Variants in SCHIP1 observed in about 807,000 individuals in gnomAD.
The protein encoded by SCHIP1 is schwannomin interacting protein 1, also known as schwannomin-interacting protein 1.
A neutral mutation model predicts 29.7 loss-of-function variants in SCHIP1; 8 were observed. The observed-to-expected ratio is 0.27, with a 90% confidence interval of 0.16 to 0.49. The LOEUF (loss-of-function observed/expected upper bound fraction) is 0.49. Ranked by LOEUF, SCHIP1 falls within the 20% of genes least tolerant of loss-of-function variation. The pLI is 0.99. For missense variants in SCHIP1, 193 were observed against 294.6 expected, an observed-to-expected ratio of 0.66 and a Z score of 2.52; for synonymous variants, 76 against 94.9, an observed-to-expected ratio of 0.80 and a Z score of 1.16.
the SCHIP1 span, among the ~76,000 whole-genome samples, chr3:159,816,644 A>G: frequency 6.6e-5 from 10 of 152,170 alleles, no homozygotes; most frequent in Non-Finnish European, 1.3e-4. Context: ...AGTGTGTCTC[A>G]TTCTCAAACA....
the SCHIP1 span, among the ~76,000 whole-genome samples, chr3:159,470,315 GAGA>G: frequency 6.6e-6 from 1 of 151,984 alleles, no homozygotes; most frequent in Non-Finnish European, 1.5e-5. Flanking sequence ...TTTATACATG[GAGA>G]AGAAGAGAGA....
the SCHIP1 span, among the ~76,000 whole-genome samples, chr3:159,411,968 C>A: frequency 6.6e-6 from 1 of 152,294 alleles, no homozygotes; most frequent in Non-Finnish European, 1.5e-5. Context: ...AGGCACTTAT[C>A]TCTTAATGCA....
At chr3:159,717,057 C>G in the SCHIP1 span, among the ~76,000 whole-genome samples, 5 of 152,196 alleles carry the variant, frequency 3.3e-5, no homozygotes, top group African/African-American at 1.2e-4. Context: ...ACAGTGCAAT[C>G]AAACTAGAAC....
At chr3:159,487,662 C>T in the SCHIP1 span, among the ~76,000 whole-genome samples, 15 of 152,096 alleles carry the variant, frequency 9.9e-5, no homozygotes, top group Admixed American at 6.5e-4. Context: ...GCCATAAATA[C>T]GAAAAATAAA....
the SCHIP1 span, among the ~76,000 whole-genome samples, chr3:159,810,207 A>G: frequency 2.0e-5 from 3 of 151,822 alleles, no homozygotes; most frequent in South Asian, 6.2e-4. Flanking sequence ...CACCACGCCC[A>G]GCTAATTTTT....
chr3:159,784,026 T>C, the SCHIP1 span, among the ~76,000 whole-genome samples: 1 of 152,030 alleles, frequency 6.6e-6, no homozygotes, highest in South Asian at 2.1e-4. Flanking sequence ...TCCAAGGAGG[T>C]TAGAGAAACC....
chr3:159,524,862 A>G, the SCHIP1 span, among the ~76,000 whole-genome samples: 1 of 152,168 alleles, frequency 6.6e-6, no homozygotes, highest in Non-Finnish European at 1.5e-5. Context: ...CAACTCCTGC[A>G]TGCCCCTCCT....
At chr3:159,879,010 G>A (rs1320056109) in intron 2 of SCHIP1, among the ~76,000 whole-genome samples, 2 of 150,546 alleles carry the variant, frequency 1.3e-5, no homozygotes, top group Admixed American at 6.6e-5. Context: ...TATAGCATAG[G>A]TACTGTTTTT....
the SCHIP1 span, among the ~76,000 whole-genome samples, chr3:159,299,165 T>G: frequency 3.9e-4 from 60 of 152,360 alleles, no homozygotes; most frequent in African/African-American, 1.2e-3. Flanking sequence ...AATTCTTTAT[T>G]GATTTTACAA....
chr3:159,387,195 T>G, the SCHIP1 span: 2 of 187,774 alleles, frequency 1.1e-5, no homozygotes, highest in African/African-American at 4.8e-5. Flanking sequence ...GCTACCTCCC[T>G]GAAACATTTA....
the SCHIP1 span, among the ~76,000 whole-genome samples, chr3:159,525,519 TA>T: frequency 6.6e-6 from 1 of 152,242 alleles, no homozygotes; most frequent in East Asian, 1.9e-4. Flanking sequence ...AACACATATC[TA>T]ATATAGTTAT....
At chr3:159,697,832 A>G in the SCHIP1 span, among the ~76,000 whole-genome samples, 1 of 152,254 alleles carries the variant, frequency 6.6e-6, no homozygotes, top group Non-Finnish European at 1.5e-5. Flanking sequence ...ATTAAAGCAT[A>G]GTTACAGTCC....
At chr3:159,700,491 G>A in the SCHIP1 span, among the ~76,000 whole-genome samples, 1 of 152,166 alleles carries the variant, frequency 6.6e-6, no homozygotes, top group Non-Finnish European at 1.5e-5. Context: ...ATGTAGGTAA[G>A]TGTTCACTGC....
intron 2 of SCHIP1, among the ~76,000 whole-genome samples, chr3:159,866,561 A>C (rs1221443582): frequency 2.6e-5 from 4 of 152,092 alleles, no homozygotes; most frequent in Admixed American, 2.0e-4. Flanking sequence ...ACACTGATAG[A>C]GGAATCAAGC....
At chr3:159,891,235 G>T (rs993632180) in intron 5 of SCHIP1, among the ~76,000 whole-genome samples, 1 of 152,168 alleles carries the variant, frequency 6.6e-6, no homozygotes, top group Non-Finnish European at 1.5e-5. Context: ...GCCAGGCTTG[G>T]TGGCACATGC....
chr3:159,593,451 G>A, the SCHIP1 span, among the ~76,000 whole-genome samples: 1 of 152,142 alleles, frequency 6.6e-6, no homozygotes, highest in African/African-American at 2.4e-5. Flanking sequence ...GAGAGCAAGA[G>A]TGGGGATTCT....
At chr3:159,433,584 G>A in the SCHIP1 span, among the ~76,000 whole-genome samples, 1 of 152,142 alleles carries the variant, frequency 6.6e-6, no homozygotes, top group East Asian at 1.9e-4. Context: ...GGTCTTTGGA[G>A]CCAGATTTCC....
chr3:159,283,744 G>A, the SCHIP1 span, among the ~76,000 whole-genome samples: 1 of 152,018 alleles, frequency 6.6e-6, no homozygotes, highest in African/African-American at 2.4e-5. Context: ...GGATTCTTTC[G>A]AGGTTGTTAA....
the SCHIP1 span, among the ~76,000 whole-genome samples, chr3:159,409,085 C>T: frequency 6.6e-6 from 1 of 152,132 alleles, no homozygotes; most frequent in African/African-American, 2.4e-5. Flanking sequence ...TAAAATTCAA[C>T]ATCCCTTCAT....
Sources: allele counts gnomAD v4.1 joint callset (sites outside exome capture counted in the v4.1 genomes callset), GRCh38; gene constraint gnomAD v4.1.1; transcripts MANE v1.5; gene names NCBI Gene and HGNC (gene_info 2026-07-23, HGNC 2026-07-21).